The following KLB variants were observed in gnomAD, a reference collection of about 807,000 sequenced individuals.
The protein encoded by KLB is klotho beta.
KLB carries 44 observed loss-of-function variants against 88.4 expected under a neutral mutation model. The observed-to-expected ratio is 0.50, with a 90% confidence interval of 0.39 to 0.64. The LOEUF (loss-of-function observed/expected upper bound fraction) is 0.64, where lower values mean the gene tolerates loss of function less well. Ranked by LOEUF, KLB falls within the 30% of genes least tolerant of loss-of-function variation. The pLI is 0.00. For missense variants in KLB, 1,137 were observed against 1,304.8 expected (o/e 0.87, Z 1.98); for synonymous variants, 548 against 513.4 (o/e 1.07, Z -0.91).
intron 1 of KLB, among the ~76,000 whole-genome samples, chr4:39,425,076 A>T (rs1560647524): frequency 6.6e-6 from 1 of 152,262 alleles, no homozygotes; most frequent in Non-Finnish European, 1.5e-5. Flanking sequence ...ACTAACAAAA[A>T]GCCTTAAATA....
chr4:39,410,254 T>C (rs1292575744), intron 1 of KLB, among the ~76,000 whole-genome samples: 1 of 152,220 alleles, frequency 6.6e-6, no homozygotes, highest in Admixed American at 6.5e-5. Flanking sequence ...TTAACAGATA[T>C]TGCTTCCAAA....
chr4:39,451,212 A>C lies in KLB; in HGVS notation c.*2526A>C, dbSNP rs769794598. On this transcript the variant is annotated 3_prime_UTR_variant, in exon 5 of 5. Coordinates refer to ENST00000257408, the MANE Select transcript of KLB (RefSeq NM_175737.4). ...CAAATATGTACAGCAAATTAGGTTA[A>C]GCATTTAATCTGGCTCATGCTCTAT... 5.9e-5 allele frequency: 9 copies of C among 152,248 alleles called. No homozygotes were observed. The highest frequency in any genetic ancestry group is 1.2e-4 in the Non-Finnish European group (8 of 68,042). 9.4% of individuals were successfully genotyped at this position (152,248 alleles called of 1,614,324 possible).
At chr4:39,429,525 T>G (rs1274007780) in intron 1 of KLB, among the ~76,000 whole-genome samples, 2 of 152,212 alleles carry the variant, frequency 1.3e-5, no homozygotes, top group Admixed American at 6.5e-5. Context: ...TAGGGCCTGA[T>G]AGCTGGCTCC....
chr4:39,447,756 G>A (rs1743791504), intron 4 of KLB, among the ~76,000 whole-genome samples: 1 of 152,160 alleles, frequency 6.6e-6, no homozygotes, highest in African/African-American at 2.4e-5. Context: ...ACTATTTTGG[G>A]TTACTTATTT....
rs771481900 is a variant in KLB at position 39,407,243 on chromosome 4, G to A, written c.294G>A (p.Gly98=). The A allele has an allele frequency of 6.2e-7, 1 of 1,614,168 alleles. No individual in the cohort carries two copies. The highest frequency in any genetic ancestry group is 8.5e-7 in the Non-Finnish European group (1 of 1,180,032). ...GIGTGALQVE[G]SWKKDGKGPS... is the part of the protein sequence containing the mutation. ...GGACTGGAGCATTGCAAGTGGAAGG[G>A]AGTTGGAAGAAGGATGGAAAAGGAC... Residue 98 remains glycine (G), a synonymous_variant, in exon 1 of 5, where the codon GGG becomes GGA. Transcript: ENST00000257408.
rs779789042 is a variant in KLB, at chr4:39,448,358, A to G, written c.2807A>G (p.Glu936Gly). The G allele has an allele frequency of 6.2e-7, 1 of 1,613,090 alleles. No individual in the cohort carries two copies. The highest frequency in any genetic ancestry group is 8.5e-7 in the Non-Finnish European group (1 of 1,179,046). The change falls in exon 5 of 5, where the codon GAG (glutamate) becomes GGG (glycine). Residue 936 changes from glutamate to glycine, a missense_variant. Glu to Gly is a moderately conservative substitution (Grantham distance 98). This residue lies in a region of KLB where 426 missense variants were observed against 404.6 expected (regional missense o/e 1.05). Transcript: ENST00000257408. ...TATTATGCATTCAAACTGGCTGAAG[A>G]GAAATCTAAACCCAGATTTGGATTC... is the stretch of plus-strand genomic sequence containing the variant. ...KGYYAFKLAE[E>G]KSKPRFGFFT...
At chr4:39,415,770 T>C (rs750973148) in intron 1 of KLB, among the ~76,000 whole-genome samples, 6 of 152,198 alleles carry the variant, frequency 3.9e-5, no homozygotes, top group Non-Finnish European at 7.4e-5. Context: ...ACACAAATGA[T>C]GAAATAATTT....
intron 3 of KLB, chr4:39,441,807 T>TAAATAAAG (rs1188575349): frequency 7.5e-4 from 112 of 148,590 alleles, no homozygotes; most frequent in African/African-American, 2.7e-3. Flanking sequence ...AATAAATAAA[T>TAAATAAAG]AAAGATGAAT....
Position 39,446,133 on chromosome 4 carries a change from TCAAA to T in KLB, c.1606-195_1606-192del, listed in dbSNP as rs1241565026. 6.6e-6 allele frequency among the ~76,000 whole-genome samples: 1 copy of T among 152,214 alleles called. No individual in the cohort carries two copies. Among genetic ancestry groups the T allele is most frequent in the Non-Finnish European group, 1.5e-5 (1 of 68,040 alleles). The stretch of plus-strand genomic sequence containing the variant: ...TGGAAAATGGCTTCCCAATGTTTTC[TCAAA>T]CAACTTGTTTTCCAAGCCAGGACCT... On this transcript the variant is annotated intron_variant, in intron 3 of 4. Transcript: ENST00000257408. This position sits in a 1 kb window ranked among gnomAD's most constrained non-coding sequence, Gnocchi z 6.4.
intron 1 of KLB, among the ~76,000 whole-genome samples, chr4:39,419,917 C>T (rs1743043857): frequency 8.2e-6 from 1 of 122,528 alleles, no homozygotes; most frequent in Non-Finnish European, 1.6e-5. Context: ...GCACTCCAGT[C>T]TGGGCAACAA....
intron 1 of KLB, 38 bp downstream of exon 1, chr4:39,407,812 A>G: frequency 8.2e-7 from 1 of 1,213,222 alleles, no homozygotes; most frequent in Non-Finnish European, 1.1e-6. Context: ...GCTTCAGAAA[A>G]CACTAAGAAT....
chr4:39,422,888 A>C (rs555452693), intron 1 of KLB, among the ~76,000 whole-genome samples: 3 of 148,280 alleles, frequency 2.0e-5, no homozygotes, highest in Middle Eastern at 3.4e-3. Context: ...CAGCCTCCCG[A>C]GTAGAGTAGC....
In KLB at chr4:39,437,925, A is replaced by G; in HGVS notation, c.1535A>G (p.Glu512Gly). 1 of 1,614,204 alleles carries G rather than the reference A, an allele frequency of 6.2e-7. No homozygotes were observed. Among genetic ancestry groups the G allele is most frequent in the Non-Finnish European group, 8.5e-7 (1 of 1,180,024 alleles). Residue 512 changes from glutamate to glycine, a missense_variant, in exon 3 of 5, where the codon GAG (glutamate) becomes GGG (glycine). Glu to Gly is a moderately conservative substitution (Grantham distance 98). This residue lies in a region of KLB where 597 missense variants were observed against 765.2 expected (regional missense o/e 0.78). Coordinates refer to ENST00000257408, the MANE Select transcript of KLB (RefSeq NM_175737.4). ...CGAGAAAATGGTTTTTCTTTAAAAG[A>G]GTCCACGCCAGATGTGCAGGGCCAG... Reference protein sequence around the residue: ...IIRENGFSLKESTPDVQGQFP... With the variant: ...IIRENGFSLKGSTPDVQGQFP...
chr4:39,448,374 A>G lies in KLB; in HGVS notation c.2823A>G (p.Arg941=). ...TGGCTGAAGAGAAATCTAAACCCAG[A>G]TTTGGATTCTTCACATCTGATTTTA... The part of the protein sequence containing the change: ...FKLAEEKSKP[R]FGFFTSDFKA... Residue 941 remains arginine (R), a synonymous_variant, in exon 5 of 5, where the codon AGA becomes AGG. Transcript: ENST00000257408. 1 of 1,613,540 alleles carries G rather than the reference A, an allele frequency of 6.2e-7. No homozygotes were observed. The highest frequency in any genetic ancestry group is 1.3e-5 in the African/African-American group (1 of 75,056).
intron 1 of KLB, among the ~76,000 whole-genome samples, chr4:39,421,511 A>T (rs540007992): frequency 2.6e-5 from 4 of 152,268 alleles, no homozygotes; most frequent in African/African-American, 9.6e-5. Context: ...ACACTTTAGG[A>T]GGCCAAGGTG....
intron 1 of KLB, among the ~76,000 whole-genome samples, chr4:39,419,963 A>AAG (rs1743045777): frequency 6.8e-6 from 1 of 146,234 alleles, no homozygotes; most frequent in African/African-American, 2.5e-5. Flanking sequence ...AAAAAAAAAA[A>AAG]GGCTATTTTA....
intron 1 of KLB, among the ~76,000 whole-genome samples, chr4:39,423,485 G>A (rs760182916): frequency 6.6e-6 from 1 of 151,780 alleles, no homozygotes; most frequent in Non-Finnish European, 1.5e-5. Context: ...GGTCTTTCCC[G>A]AATAGCTTCA....
rs939110671 is a variant in KLB, at chr4:39,450,263, C to A, written c.*1577C>A. On this transcript the variant is annotated 3_prime_UTR_variant, in exon 5 of 5. Transcript: ENST00000257408. ...TCTTTCTTTAGGTCAACATTTAACACCCACTGCATACATTAATTTGTCCTT... is the reference window on the plus strand; with the variant it reads ...TCTTTCTTTAGGTCAACATTTAACAACCACTGCATACATTAATTTGTCCTT... The A allele has an allele frequency of 6.6e-6, 1 of 152,164 alleles. No individual in the cohort carries two copies. The highest frequency in any genetic ancestry group is 1.5e-5 in the Non-Finnish European group (1 of 68,040). 9.4% of individuals were successfully genotyped at this position (152,164 alleles called of 1,614,324 possible).
At chr4:39,417,923 G>T (rs1742998253) in intron 1 of KLB, among the ~76,000 whole-genome samples, 1 of 152,082 alleles carries the variant, frequency 6.6e-6, no homozygotes, top group Admixed American at 6.6e-5. Context: ...TCTGATCTGT[G>T]TCAATCCAAG....
Sources: gnomAD v4.1 joint callset for allele counts (sites outside exome capture counted in the v4.1 genomes callset) on GRCh38, gnomAD v4.1.1 for gene constraint, gnomAD v4.1.1 regional missense constraint, Gnocchi (gnomAD v3.1) non-coding constraint, MANE v1.5 for transcripts, NCBI Gene and HGNC (gene_info 2026-07-23, HGNC 2026-07-21) for gene names.